The following GGT5 variants were observed in gnomAD, a reference collection of about 807,000 sequenced individuals.
GGT5 encodes gamma-glutamyltransferase 5, also known as glutathione hydrolase 5 proenzyme.
GGT5 carries 50 observed loss-of-function variants against 58.1 expected under a neutral mutation model. The ratio of observed to expected loss-of-function variants is 0.86; its 90% CI spans 0.69 to 1.09. The LOEUF is 1.09. GGT5 is among the 50% of genes least tolerant of loss of function. The pLI, the probability that GGT5 is intolerant of heterozygous loss-of-function variation, is 0.00. For synonymous variants in GGT5, 370 were observed against 346.1 expected (o/e 1.07, Z -0.77); for missense variants, 800 against 789.4 (o/e 1.01, Z -0.16).
In GGT5 at chr22:24,244,954, C is replaced by T. The variant is rs1426314090; in HGVS notation, c.-229G>A. 5 of 691,470 alleles carry T rather than the reference C, an allele frequency of 7.2e-6. No individual in the cohort carries two copies. The highest frequency in any genetic ancestry group is 3.0e-5 in the Admixed American group (1 of 32,882). 42.8% of individuals were successfully genotyped at this position (691,470 alleles called of 1,614,324 possible). A position where few individuals can be genotyped will look rare whatever the true frequency, so the allele number is the denominator to read the frequency against. ...AGATAGACAATGGGACAGAGATGGG[C>T]TTACAGATGGGCGGACAGACAGACA... On this transcript the variant is annotated 5_prime_UTR_variant, in exon 1 of 12. Transcript: ENST00000327365.
intron 1 of GGT5, among the ~76,000 whole-genome samples, chr22:24,237,132 C>T (rs1443688976): frequency 6.6e-6 from 1 of 151,720 alleles, no homozygotes; most frequent in Non-Finnish European, 1.5e-5. Context: ...AATTCTTGGC[C>T]TGAAGCAATC....
At position 24,233,863 on chromosome 22, in the gene GGT5, T is replaced by C. The variant is rs758510119; in HGVS notation, c.304+11A>G. 3 of 1,612,084 alleles carry C rather than the reference T, an allele frequency of 1.9e-6. No homozygotes were observed. The highest frequency in any genetic ancestry group is 2.5e-6 in the Non-Finnish European group (3 of 1,178,308). On this transcript the variant is annotated intron_variant, in intron 2 of 11. Coordinates refer to ENST00000327365, the MANE Select transcript of GGT5 (RefSeq NM_004121.5). ...CCCATCTTCCCCATGGCAGTTCACA[T>C]GTGGGCCCACCTGTTGTCACATTGT...
At chr22:24,244,179 A>G (rs924317246) in intron 1 of GGT5, 7 of 207,716 alleles carry the variant, frequency 3.4e-5, no homozygotes, top group Non-Finnish European at 4.9e-5. Flanking sequence ...CTGCCCCACG[A>G]GCACACCCTG....
chr22:24,231,935 C>G, intron 5 of GGT5, 116 bp downstream of exon 5: 1 of 861,640 alleles, frequency 1.2e-6, no homozygotes, highest in East Asian at 2.6e-5. Context: ...CTCGGGGTCC[C>G]GGGCACTGCC....
chr22:24,233,619 GGT>G, intron 2 of GGT5, 26 bp from the exon 3 acceptor site: 1 of 1,399,072 alleles, frequency 7.1e-7, no homozygotes. Context: ...GCAGGTGAGT[GGT>G]CATGGACCCT....
In GGT5 at chr22:24,231,377, G is replaced by C. The variant is rs1341296952; in HGVS notation, c.901+7C>G. ...GTGGGCGCCAGGGCTCTGGGCAGGG[G>C]CTTTACCTCTTAGCACGTTGAGGAT... On this transcript the variant is annotated splice_region_variant and intron_variant, in intron 6 of 11. Transcript: ENST00000327365. The C allele has an allele frequency of 1.9e-6, 3 of 1,542,628 alleles. No individual in the cohort carries two copies. Among genetic ancestry groups the C allele is most frequent in the Non-Finnish European group, 2.6e-6 (3 of 1,142,526 alleles).
chr22:24,225,586 G>A lies in GGT5; in HGVS notation c.1296C>T (p.Cys432=), dbSNP rs140834056. The A allele has an allele frequency of 5.5e-5, 88 of 1,612,860 alleles. No individual in the cohort carries two copies. The highest frequency in any genetic ancestry group is 5.1e-4 in the South Asian group (46 of 91,048). Reference sequence around the variant, plus strand: ...TGCCGGAACCCCGGGGGCATCGCTCGCATAAGTCCAGGAGCTCGTTGTTGA... The same window carrying A: ...TGCCGGAACCCCGGGGGCATCGCTCACATAAGTCCAGGAGCTCGTTGTTGA... ...IILNNELLDL[C]ERCPRGSGTT... The change falls in exon 9 of 12, where the codon TGC becomes TGT. Residue 432 remains cysteine, a synonymous_variant. Coordinates refer to ENST00000327365, the MANE Select transcript of GGT5 (RefSeq NM_004121.5).
chr22:24,232,437 G>A (rs2047973002), intron 4 of GGT5, among the ~76,000 whole-genome samples: 1 of 152,140 alleles, frequency 6.6e-6, no homozygotes, highest in Non-Finnish European at 1.5e-5. Flanking sequence ...TTCCCAGTGG[G>A]GCCTGGGTCC....
intron 1 of GGT5, chr22:24,241,181 C>T (rs1390179905): frequency 7.0e-6 from 1 of 141,908 alleles, no homozygotes; most frequent in African/African-American, 2.8e-5. Flanking sequence ...AAAAAAAACA[C>T]GAGGTTACTA....
At position 24,231,476 on chromosome 22, in the gene GGT5, G is replaced by T. The variant is rs773778824; in HGVS notation, c.809C>A (p.Ala270Asp). The change falls in exon 6 of 12, where the codon GCC becomes GAC. Residue 270 changes from alanine (A) to aspartate (D), a missense_variant. By Grantham distance (126) the Ala-to-Asp change is moderately radical. Coordinates refer to ENST00000327365, the MANE Select transcript of GGT5 (RefSeq NM_004121.5). ...LAKFQPEVVDALEVPLGDYTL... is the reference protein window; with the variant it reads ...LAKFQPEVVDDLEVPLGDYTL... Reference sequence around the variant, plus strand: ...ATAGTCCCCCAGGGGCACCTCCAGGGCATCCACCACCTCGGGCTGGAACTT... The same window carrying T: ...ATAGTCCCCCAGGGGCACCTCCAGGTCATCCACCACCTCGGGCTGGAACTT... The T allele has an allele frequency of 1.3e-6, 2 of 1,579,468 alleles. No individual in the cohort carries two copies. The highest frequency in any genetic ancestry group is 1.4e-5 in the African/African-American group (1 of 74,056).
chr22:24,232,836 C>G lies in GGT5; in HGVS notation c.583G>C (p.Ala195Pro), dbSNP rs1301248973. Residue 195 changes from alanine (A) to proline (P), a missense_variant, in exon 4 of 12, where the codon GCG becomes CCG. Transcript: ENST00000327365. ...TGTGGGGCTCACCGCAGGGTTGACG[C>G]CTGCAAGGAAGGCCGCAGGATGCTG... ...HNSILRPSLQ[A>P]STLRQLFFNG... 6.5e-7 allele frequency: 1 copy of G among 1,538,714 alleles called. No homozygotes were observed. Among genetic ancestry groups the G allele is most frequent in the African/African-American group, 1.4e-5 (1 of 73,062 alleles).
chr22:24,237,966 G>A (rs957047998), intron 1 of GGT5, among the ~76,000 whole-genome samples: 4 of 152,072 alleles, frequency 2.6e-5, no homozygotes, highest in African/African-American at 7.2e-5. Flanking sequence ...GGTGGCTCAC[G>A]CCTGTAATCC....
At chr22:24,238,228 C>CAA (rs556769286) in intron 1 of GGT5, among the ~76,000 whole-genome samples, 6 of 42,602 alleles carry the variant, frequency 1.4e-4, no homozygotes, top group South Asian at 7.0e-4. Flanking sequence ...GGCTCCGTCT[C>CAA]AAAAAAAAAA....
chr22:24,238,212 G>A (rs1380173422), intron 1 of GGT5, among the ~76,000 whole-genome samples: 1 of 137,196 alleles, frequency 7.3e-6, no homozygotes, highest in African/African-American at 2.7e-5. Flanking sequence ...CTGGGGGACA[G>A]AGTGAGGCTC....
chr22:24,222,849 G>A (rs1319953318), intron 11 of GGT5, among the ~76,000 whole-genome samples: 4 of 152,146 alleles, frequency 2.6e-5, no homozygotes, highest in Admixed American at 1.3e-4. Context: ...AGGCCAAGGC[G>A]GGCGGATCAC....
chr22:24,231,647 G>T, intron 5 of GGT5, 117 bp from the exon 6 acceptor site: 1 of 1,074,046 alleles, frequency 9.3e-7, no homozygotes, highest in Non-Finnish European at 1.4e-6. Context: ...TGTGGACACA[G>T]GATGATGGTA....
intron 11 of GGT5, among the ~76,000 whole-genome samples, chr22:24,223,754 CTTTTT>C (rs898258352): frequency 5.0e-5 from 4 of 79,460 alleles, no homozygotes; most frequent in South Asian, 9.7e-4. Flanking sequence ...TGCTATCAAT[CTTTTT>C]TTTTTTTTTT....
intron 1 of GGT5, among the ~76,000 whole-genome samples, chr22:24,238,788 T>A (rs1181292180): frequency 3.0e-3 from 34 of 11,190 alleles, no homozygotes; most frequent in Admixed American, 0.015. Context: ...TAATATATAT[T>A]ATATATTTAT....
At chr22:24,220,186 G>T in intron 11 of GGT5, 70 bp from the exon 12 acceptor site, 1 of 1,466,764 alleles carries the variant, frequency 6.8e-7, no homozygotes, top group Non-Finnish European at 9.4e-7. Context: ...AGAGGCCTCT[G>T]CAAGAAATGA....
Sources: gnomAD v4.1 joint callset for allele counts (sites outside exome capture counted in the v4.1 genomes callset) on GRCh38, gnomAD v4.1.1 for gene constraint, MANE v1.5 for transcripts, NCBI Gene and HGNC (gene_info 2026-07-23, HGNC 2026-07-21) for gene names.